KLHL1: variants seen among roughly 807,000 people sequenced by gnomAD.
The protein encoded by KLHL1 is kelch like family member 1, also known as kelch-like protein 1.
A neutral mutation model predicts 77.7 loss-of-function variants in KLHL1; 47 were observed. The ratio of observed to expected loss-of-function variants is 0.60; its 90% CI spans 0.48 to 0.77. KLHL1 has a LOEUF of 0.77. KLHL1 is among the 30% of genes least tolerant of loss of function. The probability of loss-of-function intolerance (pLI) is 0.00; values close to 1 mark genes in which losing one functional copy is unlikely to be tolerated. For synonymous variants in KLHL1, 360 were observed against 325.2 expected, an observed-to-expected ratio of 1.11 and a Z score of -1.15; for missense variants, 925 against 910.8, an observed-to-expected ratio of 1.02 and a Z score of -0.20.
intron 1 of KLHL1, among the ~76,000 whole-genome samples, chr13:70,037,121 TAGTA>T (rs1001345370): frequency 1.3e-5 from 2 of 152,048 alleles, no homozygotes. Context: ...CAATTTTACT[TAGTA>T]AGATATTTTT....
intron 1 of KLHL1, among the ~76,000 whole-genome samples, chr13:70,029,776 G>A (rs1425436774): frequency 3.9e-5 from 6 of 152,068 alleles, no homozygotes; most frequent in Non-Finnish European, 5.9e-5. Flanking sequence ...ATGTAAATGG[G>A]CTAAATGCTC....
intron 1 of KLHL1, among the ~76,000 whole-genome samples, chr13:70,051,298 A>G (rs946377200): frequency 1.3e-5 from 2 of 151,984 alleles, no homozygotes; most frequent in African/African-American, 4.8e-5. Flanking sequence ...TTTGATCACA[A>G]TTCTTTTTCT....
chr13:69,941,921 A>C (rs1883376643), intron 3 of KLHL1, among the ~76,000 whole-genome samples: 1 of 152,008 alleles, frequency 6.6e-6, no homozygotes, highest in Admixed American at 6.6e-5. Flanking sequence ...AGAAAGAAAT[A>C]AAAACTCTGA....
intron 8 of KLHL1, among the ~76,000 whole-genome samples, chr13:69,732,678 G>A (rs551890500): frequency 1.3e-5 from 2 of 150,886 alleles, no homozygotes; most frequent in South Asian, 2.1e-4. Flanking sequence ...TCCTGTGAGT[G>A]TCACCCCATC....
intron 7 of KLHL1, among the ~76,000 whole-genome samples, chr13:69,768,048 A>G (rs1875389744): frequency 6.6e-6 from 1 of 152,216 alleles, no homozygotes; most frequent in Admixed American, 6.5e-5. Context: ...TATGTTCCAT[A>G]CATCATATTT....
At position 70,020,018 on chromosome 13, in the gene KLHL1, G is replaced by A. The variant is rs546359981; in HGVS notation, c.498-44216C>T. Among the ~76,000 whole-genome samples, 46 of 152,176 alleles carry A rather than the reference G, an allele frequency of 3.0e-4. 2 individuals carry two copies. In the South Asian group the frequency reaches 8.7e-3, roughly 29 times the overall value. On this transcript the variant is annotated intron_variant, in intron 1 of 10. Transcript: ENST00000377844. ...TTTGCCCTTCTGCCTTCTGTCACGT[G>A]AGGAAGCAGCAAAAAGGCCCTCACC...
intron 4 of KLHL1, among the ~76,000 whole-genome samples, chr13:69,928,685 T>A (rs115293907): frequency 2.0e-5 from 3 of 152,158 alleles, no homozygotes; most frequent in African/African-American, 7.2e-5. Flanking sequence ...CAAAACCACA[T>A]ATTGTATGAT....
At chr13:69,715,958 C>G (rs912673745) in intron 9 of KLHL1, among the ~76,000 whole-genome samples, 1 of 152,112 alleles carries the variant, frequency 6.6e-6, no homozygotes, top group Non-Finnish European at 1.5e-5. Context: ...GAGGCCCTAT[C>G]TATCTCAAAA....
intron 1 of KLHL1, among the ~76,000 whole-genome samples, chr13:70,068,794 G>T (rs1309487102): frequency 2.6e-5 from 4 of 152,122 alleles, no homozygotes; most frequent in Non-Finnish European, 5.9e-5. Context: ...TAACAAACAT[G>T]CAGTTTGAAA....
chr13:69,814,089 CCACACAT>C (rs1443693573), intron 6 of KLHL1, among the ~76,000 whole-genome samples: 1 of 152,034 alleles, frequency 6.6e-6, no homozygotes, highest in African/African-American at 2.4e-5. Flanking sequence ...TGAAATAAAA[CCACACAT>C]CTACAGCCAG....
chr13:69,905,902 T>G (rs1401332366), intron 4 of KLHL1, among the ~76,000 whole-genome samples: 2 of 151,970 alleles, frequency 1.3e-5, no homozygotes, highest in Non-Finnish European at 2.9e-5. Context: ...AAGTCAAAGT[T>G]TCGAAAATGT....
At position 69,749,027 on chromosome 13, in the gene KLHL1, T is replaced by C. The variant is rs574259131; in HGVS notation, c.1640-8471A>G. On this transcript the variant is annotated intron_variant, in intron 7 of 10. Coordinates refer to ENST00000377844, the MANE Select transcript of KLHL1 (RefSeq NM_020866.3). ...ATATTCACACTTTATGCTTCCACAT[T>C]ATAAAGGAATATATTTTTGTAGATT... Among the ~76,000 whole-genome samples, 3 of 152,172 alleles carry C rather than the reference T, an allele frequency of 2.0e-5. No homozygotes were observed. The East Asian group carries it at 5.8e-4, about 29-fold the overall frequency.
At chr13:69,723,053 T>C (rs1313463353) in intron 8 of KLHL1, among the ~76,000 whole-genome samples, 1 of 152,102 alleles carries the variant, frequency 6.6e-6, no homozygotes, top group African/African-American at 2.4e-5. Flanking sequence ...GACATTATAT[T>C]AAGCAAAATA....
rs34074889 is a variant in KLHL1 at position 69,939,340 on chromosome 13, C to CATATATATATAT, written c.1014+688_1014+699dup. 2.5e-3 allele frequency among the ~76,000 whole-genome samples: 152 copies of CATATATATATAT among 60,720 alleles called. 2 individuals carry two copies. Among genetic ancestry groups the CATATATATATAT allele is most frequent in the Middle Eastern group, 0.011 (1 of 94 alleles). The allele number at this position is 60,720 out of a possible 152,430, so 39.8% of individuals were successfully genotyped here. A position where few individuals can be genotyped will look rare whatever the true frequency, so the allele number is the denominator to read the frequency against. On this transcript the variant is annotated intron_variant, in intron 4 of 10. Coordinates refer to ENST00000377844, the MANE Select transcript of KLHL1 (RefSeq NM_020866.3). Reference sequence around the variant, plus strand: ...ACACTCATATATATACATATACATACATATATATATATATATATATATATA... The same window carrying CATATATATATAT: ...ACACTCATATATATACATATACATACATATATATATATATATATATATATATATATATATATA...
At chr13:69,840,742 G>A (rs1188924517) in intron 5 of KLHL1, among the ~76,000 whole-genome samples, 1 of 149,232 alleles carries the variant, frequency 6.7e-6, no homozygotes, top group Non-Finnish European at 1.5e-5. Flanking sequence ...ATGTATAGAA[G>A]ATCTCCAATG....
chr13:69,945,282 C>T (rs539506546), intron 3 of KLHL1, among the ~76,000 whole-genome samples: 1 of 151,754 alleles, frequency 6.6e-6, no homozygotes, highest in Admixed American at 6.6e-5. Context: ...AGCTATAAAA[C>T]TTCCATAACC....
intron 7 of KLHL1, among the ~76,000 whole-genome samples, chr13:69,746,247 A>C (rs1298245088): frequency 6.6e-6 from 1 of 151,674 alleles, no homozygotes; most frequent in Non-Finnish European, 1.5e-5. Flanking sequence ...TCATCCCAAA[A>C]TAATACCAGT....
chr13:69,986,730 A>G (rs1884881221), intron 1 of KLHL1, among the ~76,000 whole-genome samples: 1 of 152,126 alleles, frequency 6.6e-6, no homozygotes, highest in African/African-American at 2.4e-5. Context: ...AGTTTTGCTT[A>G]CATAATTCTA....
intron 1 of KLHL1, among the ~76,000 whole-genome samples, chr13:70,094,763 T>A (rs1033025516): frequency 6.6e-6 from 1 of 152,138 alleles, no homozygotes; most frequent in Non-Finnish European, 1.5e-5. Context: ...TTGATACCCA[T>A]CACATCTTCC....
Sources: gnomAD v4.1 joint callset for allele counts (sites outside exome capture counted in the v4.1 genomes callset) on GRCh38, gnomAD v4.1.1 for gene constraint, MANE v1.5 for transcripts, NCBI Gene and HGNC (gene_info 2026-07-23, HGNC 2026-07-21) for gene names.